GLB1: variants seen among roughly 807,000 people sequenced by gnomAD.
GLB1 encodes galactosidase beta 1.
Under a neutral mutation model 74.0 loss-of-function variants are expected in GLB1, and 56 were observed. The observed-to-expected ratio is 0.76, with a 90% CI of 0.61 to 0.94. The LOEUF (loss-of-function observed/expected upper bound fraction) is 0.94. GLB1 is among the 40% of genes least tolerant of loss of function. The probability of loss-of-function intolerance (pLI) is 0.00; values close to 1 mark genes in which losing one functional copy is unlikely to be tolerated. For synonymous variants in GLB1, 323 were observed against 323.6 expected (o/e 1.00, Z 0.02); for missense variants, 787 against 845.5 (o/e 0.93, Z 0.86).
At chr3:33,047,514 T>TTTG (rs1698790626) in intron 9 of GLB1, among the ~76,000 whole-genome samples, 1 of 152,244 alleles carries the variant, frequency 6.6e-6, no homozygotes, top group Non-Finnish European at 1.5e-5. Context: ...CCAGCAAGGC[T>TTTG]TTGTGCCTTC....
chr3:33,025,604 G>A (rs1697708901), intron 10 of GLB1, among the ~76,000 whole-genome samples: 1 of 151,418 alleles, frequency 6.6e-6, no homozygotes, highest in East Asian at 1.9e-4. Flanking sequence ...GCTGGCTGTG[G>A]CGGAAGGAGG....
At chr3:32,984,293 T>A in the GLB1 span, among the ~76,000 whole-genome samples, 9 of 151,978 alleles carry the variant, frequency 5.9e-5, no homozygotes, top group Admixed American at 5.9e-4. Context: ...CTGAGGGGAA[T>A]TCAAGGGCGT....
At chr3:32,966,225 G>T in the GLB1 span, among the ~76,000 whole-genome samples, 9 of 152,202 alleles carry the variant, frequency 5.9e-5, no homozygotes, top group Non-Finnish European at 1.0e-4. Flanking sequence ...AACCAGCTGG[G>T]AGCGGGCTAT....
chr3:32,973,535 G>T, the GLB1 span, among the ~76,000 whole-genome samples: 1 of 152,020 alleles, frequency 6.6e-6, no homozygotes, highest in African/African-American at 2.4e-5. Flanking sequence ...TAGAGACGGG[G>T]TTTTGCCACA....
At chr3:33,051,104 G>A (rs1698957381) in intron 9 of GLB1, among the ~76,000 whole-genome samples, 1 of 151,428 alleles carries the variant, frequency 6.6e-6, no homozygotes, top group Admixed American at 6.6e-5. Flanking sequence ...GTGGTGGCGG[G>A]TGCCTGTAGT....
At chr3:33,051,146 T>C (rs1299918564) in intron 9 of GLB1, among the ~76,000 whole-genome samples, 1 of 142,068 alleles carries the variant, frequency 7.0e-6, no homozygotes, top group African/African-American at 2.7e-5. Flanking sequence ...GGTGGGAGAA[T>C]GATGTGAACC....
chr3:33,091,224 G>A (rs962012894), intron 1 of GLB1: 2 of 985,336 alleles, frequency 2.0e-6, no homozygotes, highest in African/African-American at 3.5e-5. Context: ...TCAACTCAAA[G>A]ATACATTTTA....
At chr3:33,080,098 T>TTGTTG (rs111917407) in intron 1 of GLB1, among the ~76,000 whole-genome samples, 2 of 151,790 alleles carry the variant, frequency 1.3e-5, no homozygotes, top group African/African-American at 4.9e-5. Context: ...AACTGTTTTT[T>TTGTTG]TTTGTTTGTT....
At chr3:33,016,246 CCTT>C (rs1275412921) in intron 14 of GLB1, among the ~76,000 whole-genome samples, 9 of 152,158 alleles carry the variant, frequency 5.9e-5, no homozygotes, top group African/African-American at 2.2e-4. Context: ...GGGGCTTCCT[CCTT>C]CTGTTTCTTT....
intron 10 of GLB1, among the ~76,000 whole-genome samples, chr3:33,025,452 G>A (rs1307744489): frequency 5.3e-5 from 8 of 152,146 alleles, no homozygotes; most frequent in Non-Finnish European, 1.0e-4. Context: ...GTAGCCATCC[G>A]GCTTTTCAAG....
intron 10 of GLB1, among the ~76,000 whole-genome samples, chr3:33,042,647 G>A (rs905587006): frequency 3.3e-5 from 5 of 152,108 alleles, no homozygotes; most frequent in Admixed American, 6.6e-5. Flanking sequence ...GATTACAGGC[G>A]TGAGCCACCG....
chr3:33,070,808 T>C (rs1699862242), intron 2 of GLB1, among the ~76,000 whole-genome samples: 2 of 152,186 alleles, frequency 1.3e-5, no homozygotes, highest in Non-Finnish European at 2.9e-5. Context: ...ATTGAGCCAC[T>C]ACATTCCAGC....
chr3:32,965,274 TG>T, the GLB1 span, among the ~76,000 whole-genome samples: 1 of 152,214 alleles, frequency 6.6e-6, no homozygotes, highest in Non-Finnish European at 1.5e-5. Context: ...TGGAACTTCC[TG>T]GAGACTTGTT....
intron 1 of GLB1, among the ~76,000 whole-genome samples, chr3:33,078,005 T>TA (rs879175402): frequency 1.3e-4 from 19 of 144,710 alleles, no homozygotes; most frequent in African/African-American, 1.8e-4. Flanking sequence ...TAAATTAGTC[T>TA]AAAAAAAAAA....
intron 9 of GLB1, among the ~76,000 whole-genome samples, chr3:33,048,256 G>T (rs1263647815): frequency 6.6e-6 from 1 of 152,102 alleles, no homozygotes; most frequent in African/African-American, 2.4e-5. Context: ...AGGATGGATT[G>T]GAAGACTAAG....
chr3:33,060,157 T>C (rs1365132120), intron 5 of GLB1, among the ~76,000 whole-genome samples: 2 of 152,204 alleles, frequency 1.3e-5, no homozygotes, highest in Non-Finnish European at 2.9e-5. Context: ...ATCTGCACAG[T>C]CCTGCCTCCC....
chr3:33,094,820 T>C (rs1042258197), intron 1 of GLB1, among the ~76,000 whole-genome samples: 4 of 152,246 alleles, frequency 2.6e-5, no homozygotes, highest in African/African-American at 9.6e-5. Context: ...AGTGCAACTC[T>C]TCACCCTAAA....
chr3:32,978,780 T>TG, the GLB1 span, among the ~76,000 whole-genome samples: 3 of 144,632 alleles, frequency 2.1e-5, no homozygotes. Flanking sequence ...TTTTTTTTTT[T>TG]GAGACAGAGT....
chr3:32,962,890 A>G, the GLB1 span, among the ~76,000 whole-genome samples: 1 of 152,100 alleles, frequency 6.6e-6, no homozygotes, highest in Non-Finnish European at 1.5e-5. Context: ...TATTAAATAC[A>G]ATGTTATTCT....
Sources: allele counts gnomAD v4.1 joint callset (sites outside exome capture counted in the v4.1 genomes callset), GRCh38; gene constraint gnomAD v4.1.1; transcripts MANE v1.5; gene names NCBI Gene and HGNC (gene_info 2026-07-23, HGNC 2026-07-21).